The following SLC4A5 variants were observed in gnomAD, a reference collection of about 807,000 sequenced individuals.
The protein encoded by SLC4A5 is solute carrier family 4 member 5, also known as electrogenic sodium bicarbonate cotransporter 4.
SLC4A5 carries 96 observed loss-of-function variants against 120.4 expected under a neutral mutation model. The ratio of observed to expected loss-of-function variants is 0.80; its 90% CI spans 0.68 to 0.94. The LOEUF is 0.94. Ranked by LOEUF, SLC4A5 falls within the 40% of genes least tolerant of loss-of-function variation. The pLI is 0.00. For synonymous variants in SLC4A5, 550 were observed against 571.1 expected (o/e 0.96, Z 0.53); for missense variants, 1,259 against 1,459.5 (o/e 0.86, Z 2.24).
chr2:74,219,647 G>A (rs1032626259), intron 30 of SLC4A5, among the ~76,000 whole-genome samples: 38 of 152,228 alleles, frequency 2.5e-4, no homozygotes, highest in African/African-American at 8.4e-4. Flanking sequence ...TAATTTAACA[G>A]GGTTTTGGAA....
In SLC4A5 at chr2:74,340,974, C is replaced by T. The variant is rs145357228; in HGVS notation, c.-270+1484G>A. On this transcript the variant is annotated intron_variant, in intron 2 of 30. Transcript: ENST00000394019. ...AACAACCTTGTGACTTGCCTAAATT[C>T]CATTCAGGGGCAAAGCAAGAGCTAG... Among the ~76,000 whole-genome samples, 216 of 152,268 alleles carry T rather than the reference C, an allele frequency of 1.4e-3. 1 individual carries two copies. The highest frequency in any genetic ancestry group is 4.9e-3 in the African/African-American group (203 of 41,552).
chr2:74,239,556 G>A, intron 20 of SLC4A5, 21 bp from the exon 21 acceptor site: 1 of 1,612,346 alleles, frequency 6.2e-7, no homozygotes, highest in Non-Finnish European at 8.5e-7. Context: ...AAGCACAGGA[G>A]AGAATGGGTC....
At chr2:74,310,100 T>A (rs1191776407) in intron 6 of SLC4A5, among the ~76,000 whole-genome samples, 1 of 152,200 alleles carries the variant, frequency 6.6e-6, no homozygotes, top group Non-Finnish European at 1.5e-5. Context: ...AATTTCAAAT[T>A]CCAATGGCTG....
exon 8 of SLC4A5, chr2:74,285,854 T>A (rs1437385940): frequency 7.4e-6 from 12 of 1,612,128 alleles, no homozygotes; most frequent in Non-Finnish European, 7.6e-6. Flanking sequence ...GTTGGGAGCC[T>A]CATCTTCCTC....
intron 6 of SLC4A5, among the ~76,000 whole-genome samples, chr2:74,314,650 T>C (rs1365478832): frequency 6.6e-6 from 1 of 152,252 alleles, no homozygotes; most frequent in Non-Finnish European, 1.5e-5. Flanking sequence ...TGTTGATATT[T>C]GGCATTTATT....
At chr2:74,282,635 C>T (rs1671849286) in intron 8 of SLC4A5, among the ~76,000 whole-genome samples, 1 of 152,206 alleles carries the variant, frequency 6.6e-6, no homozygotes, top group Non-Finnish European at 1.5e-5. Context: ...GTGCAGAGGG[C>T]TTTGTGAATC....
intron 8 of SLC4A5, among the ~76,000 whole-genome samples, chr2:74,269,564 A>C (rs1366792123): frequency 1.3e-5 from 2 of 151,834 alleles, no homozygotes; most frequent in Non-Finnish European, 2.9e-5. Flanking sequence ...AGGATGCTCA[A>C]CTTTTCTTCC....
intron 22 of SLC4A5, among the ~76,000 whole-genome samples, chr2:74,234,497 A>G (rs1670207074): frequency 6.6e-6 from 1 of 152,094 alleles, no homozygotes; most frequent in Non-Finnish European, 1.5e-5. Context: ...CTTATGAGGG[A>G]GTAGGGCTGG....
chr2:74,295,391 T>G (rs1375558042), intron 7 of SLC4A5, among the ~76,000 whole-genome samples: 1 of 152,102 alleles, frequency 6.6e-6, no homozygotes, highest in African/African-American at 2.4e-5. Context: ...TCCAGGACTT[T>G]GGGAGGCCGA....
In SLC4A5 at chr2:74,235,095, G is replaced by A; in HGVS notation, c.2433+6C>T. The stretch of plus-strand genomic sequence containing the variant: ...TGGATGCCCAGAGCGAGGGAAAGGG[G>A]CAAACCTTGATGACACTGGGCACAT... On this transcript the variant is annotated splice_donor_region_variant and intron_variant, in intron 22 of 30. Coordinates refer to ENST00000394019, the Ensembl canonical transcript of SLC4A5. 1 of 1,611,616 alleles carries A rather than the reference G, an allele frequency of 6.2e-7. No homozygotes were observed. Among genetic ancestry groups the A allele is most frequent in the Non-Finnish European group, 8.5e-7 (1 of 1,177,952 alleles).
chr2:74,235,385 G>A (rs1450733779), intron 21 of SLC4A5, among the ~76,000 whole-genome samples, 171 bp from the exon 22 acceptor site: 2 of 152,168 alleles, frequency 1.3e-5, no homozygotes, highest in Non-Finnish European at 2.9e-5. Context: ...TGAGCTTGGG[G>A]AAGCGTGTCA....
At chr2:74,221,770 T>C (rs373475732) in intron 29 of SLC4A5, among the ~76,000 whole-genome samples, 42 of 151,972 alleles carry the variant, frequency 2.8e-4, no homozygotes, top group African/African-American at 8.2e-4. Context: ...CTCAAGATCT[T>C]GAGGTACCTA....
Position 74,309,515 on chromosome 2 carries a change from T to C in SLC4A5, c.80-4835A>G, listed in dbSNP as rs529408806. ...TGTTGTCTATTCTGGGTCTTTTGCC[T>C]TACCATATACACTTTAGAATCAATA... On this transcript the variant is annotated intron_variant, in intron 6 of 30. Transcript: ENST00000394019. Among the ~76,000 whole-genome samples the C allele has an allele frequency of 2.6e-5, 4 of 152,306 alleles. No individual in the cohort carries two copies. In the South Asian group the frequency reaches 8.3e-4, roughly 32 times the overall value.
chr2:74,340,055 G>A (rs1320059630), intron 2 of SLC4A5, among the ~76,000 whole-genome samples: 1 of 152,214 alleles, frequency 6.6e-6, no homozygotes, highest in African/African-American at 2.4e-5. Context: ...TGGGGAGTTA[G>A]TGTTTAATGG....
chr2:74,271,580 GT>G (rs1389664803), intron 8 of SLC4A5, among the ~76,000 whole-genome samples: 10 of 151,890 alleles, frequency 6.6e-5, no homozygotes, highest in Non-Finnish European at 1.5e-4. Context: ...GATTGTTTTG[GT>G]ATATAACAAA....
chr2:74,324,914 A>G (rs1422425941), intron 5 of SLC4A5, among the ~76,000 whole-genome samples: 1 of 152,166 alleles, frequency 6.6e-6, no homozygotes, highest in Non-Finnish European at 1.5e-5. Flanking sequence ...TGGCACTGCT[A>G]AGCTGATAAG....
chr2:74,307,989 G>C (rs1200356428), intron 6 of SLC4A5: 1 of 558,020 alleles, frequency 1.8e-6, no homozygotes. Flanking sequence ...GGAGAAGGTG[G>C]AACGAGTGGT....
At chr2:74,323,790 A>C (rs1426654782) in intron 5 of SLC4A5, among the ~76,000 whole-genome samples, 1 of 152,246 alleles carries the variant, frequency 6.6e-6, no homozygotes, top group Non-Finnish European at 1.5e-5. Context: ...GATATTCTAC[A>C]TTGGGAGGAT....
chr2:74,247,047 G>A, exon 19 of SLC4A5: 2 of 1,613,896 alleles, frequency 1.2e-6, no homozygotes, highest in Non-Finnish European at 1.7e-6. Context: ...TGTGTCAGGG[G>A]CGACACACTC....
Sources: gnomAD v4.1 joint callset for allele counts (sites outside exome capture counted in the v4.1 genomes callset) on GRCh38, gnomAD v4.1.1 for gene constraint, MANE v1.5 for transcripts, NCBI Gene and HGNC (gene_info 2026-07-23, HGNC 2026-07-21) for gene names.